VEGFC: variants seen among roughly 807,000 people sequenced by gnomAD.
VEGFC encodes vascular endothelial growth factor C, also known as FLT4 ligand DHM.
Under a neutral mutation model 46.1 loss-of-function variants are expected in VEGFC, and 12 were observed. The ratio of observed to expected loss-of-function variants is 0.26; its 90% CI spans 0.17 to 0.42. VEGFC has a LOEUF of 0.42. Among genes scored for constraint, VEGFC ranks in the 10% least tolerant of loss-of-function variants. The pLI, the probability that VEGFC is intolerant of heterozygous loss-of-function variation, is 1.00. For synonymous variants in VEGFC, 232 were observed against 195.5 expected (o/e 1.19, Z -1.56); for missense variants, 488 against 529.4 (o/e 0.92, Z 0.77).
At chr4:176,732,246 A>G (rs1171415096) in intron 1 of VEGFC, among the ~76,000 whole-genome samples, 1 of 151,976 alleles carries the variant, frequency 6.6e-6, no homozygotes, top group East Asian at 1.9e-4. Flanking sequence ...GAAGAAATAT[A>G]AATAATACAT....
chr4:176,708,690 C>T (rs1262489822), intron 4 of VEGFC, among the ~76,000 whole-genome samples: 1 of 152,054 alleles, frequency 6.6e-6, no homozygotes, highest in Non-Finnish European at 1.5e-5. Context: ...TACACAGAGA[C>T]ACACTATGTG....
chr4:176,787,394 T>C (rs1736020849), intron 1 of VEGFC, among the ~76,000 whole-genome samples: 1 of 146,938 alleles, frequency 6.8e-6, no homozygotes, highest in South Asian at 2.1e-4. Context: ...GAGGCAGAGG[T>C]TGCAGTGAGC....
chr4:176,772,589 T>TC (rs1235267667), intron 1 of VEGFC, among the ~76,000 whole-genome samples: 1 of 152,200 alleles, frequency 6.6e-6, no homozygotes, highest in Non-Finnish European at 1.5e-5. Flanking sequence ...TCCCCAAACT[T>TC]CATGTGTTGG....
At chr4:176,691,076 A>C (rs897980509) in intron 4 of VEGFC, among the ~76,000 whole-genome samples, 1 of 152,216 alleles carries the variant, frequency 6.6e-6, no homozygotes, top group African/African-American at 2.4e-5. Context: ...CCGTGCTTCA[A>C]AAGTGAGGAG....
At chr4:176,770,593 T>G (rs939326116) in intron 1 of VEGFC, among the ~76,000 whole-genome samples, 2 of 152,016 alleles carry the variant, frequency 1.3e-5, no homozygotes, top group African/African-American at 2.4e-5. Context: ...ACTTTCCAGA[T>G]AGAGAATAAA....
intron 4 of VEGFC, among the ~76,000 whole-genome samples, chr4:176,695,481 T>C (rs1447929530): frequency 6.6e-6 from 1 of 150,930 alleles, no homozygotes; most frequent in Non-Finnish European, 1.5e-5. Flanking sequence ...ATTGTGGCAA[T>C]AATCAATAGC....
intron 1 of VEGFC, among the ~76,000 whole-genome samples, chr4:176,742,097 C>A (rs1373548281): frequency 6.6e-6 from 1 of 151,932 alleles, no homozygotes; most frequent in African/African-American, 2.4e-5. Context: ...TCTTTCCCCC[C>A]ATTTTGGAGT....
intron 1 of VEGFC, among the ~76,000 whole-genome samples, chr4:176,765,758 T>G (rs1305809561): frequency 6.6e-6 from 1 of 152,058 alleles, no homozygotes; most frequent in African/African-American, 2.4e-5. Context: ...TTTCACCGTG[T>G]TAGCCAGGAT....
At chr4:176,783,342 T>C (rs1735946504) in intron 1 of VEGFC, among the ~76,000 whole-genome samples, 1 of 152,228 alleles carries the variant, frequency 6.6e-6, no homozygotes, top group Admixed American at 6.5e-5. Context: ...TCTTTATATT[T>C]TCCTCAGTGA....
At chr4:176,764,666 T>C (rs1241765727) in intron 1 of VEGFC, among the ~76,000 whole-genome samples, 2 of 152,154 alleles carry the variant, frequency 1.3e-5, no homozygotes, top group Admixed American at 1.3e-4. Flanking sequence ...GGGTAGGCCA[T>C]ACCAGACTGA....
At chr4:176,692,746 A>G (rs1734225195) in intron 4 of VEGFC, among the ~76,000 whole-genome samples, 1 of 148,572 alleles carries the variant, frequency 6.7e-6, no homozygotes, top group Admixed American at 6.6e-5. Context: ...CTTTGAAGAG[A>G]GCAGTGGTTC....
At chr4:176,718,147 T>C (rs1361496443) in intron 3 of VEGFC, among the ~76,000 whole-genome samples, 2 of 152,140 alleles carry the variant, frequency 1.3e-5, no homozygotes, top group Non-Finnish European at 2.9e-5. Flanking sequence ...AAGGCAAATG[T>C]TATTCTTAAA....
At chr4:176,714,753 G>C (rs1376502691) in intron 3 of VEGFC, among the ~76,000 whole-genome samples, 1 of 152,148 alleles carries the variant, frequency 6.6e-6, no homozygotes, top group East Asian at 1.9e-4. Context: ...AGTGATCATG[G>C]AGAGACCTCA....
chr4:176,685,187 C>G (rs1734017425), intron 6 of VEGFC, among the ~76,000 whole-genome samples: 1 of 152,168 alleles, frequency 6.6e-6, no homozygotes, highest in African/African-American at 2.4e-5. Flanking sequence ...TTATTTGGCT[C>G]TAGAAAAGAA....
intron 1 of VEGFC, among the ~76,000 whole-genome samples, chr4:176,755,579 T>C (rs1385319384): frequency 1.3e-5 from 2 of 151,970 alleles, no homozygotes; most frequent in Non-Finnish European, 2.9e-5. Flanking sequence ...CCAGATAGAC[T>C]CCTTGCCTCA....
chr4:176,741,554 T>TAC (rs562822453), intron 1 of VEGFC, among the ~76,000 whole-genome samples: 1 of 151,844 alleles, frequency 6.6e-6, no homozygotes, highest in Non-Finnish European at 1.5e-5. Context: ...TTAAACGGAG[T>TAC]ACACACACAC....
At chr4:176,772,848 G>C (rs1353901285) in intron 1 of VEGFC, among the ~76,000 whole-genome samples, 1 of 152,052 alleles carries the variant, frequency 6.6e-6, no homozygotes, top group Non-Finnish European at 1.5e-5. Flanking sequence ...TGCAACCCTG[G>C]ACTTTCCAGT....
chr4:176,754,573 C>G (rs1735401684), intron 1 of VEGFC, among the ~76,000 whole-genome samples: 1 of 152,010 alleles, frequency 6.6e-6, no homozygotes, highest in Non-Finnish European at 1.5e-5. Context: ...CTGAATCTGA[C>G]TCCACATCCT....
intron 3 of VEGFC, among the ~76,000 whole-genome samples, chr4:176,715,364 G>A (rs1482560496): frequency 2.0e-5 from 3 of 152,124 alleles, no homozygotes; most frequent in Non-Finnish European, 4.4e-5. Context: ...AGAGTCCAGA[G>A]AAAGATACCT....
Sources: allele counts gnomAD v4.1 joint callset (sites outside exome capture counted in the v4.1 genomes callset), GRCh38; gene constraint gnomAD v4.1.1; transcripts MANE v1.5; gene names NCBI Gene and HGNC (gene_info 2026-07-23, HGNC 2026-07-21).